EPHB1: variants seen among roughly 807,000 people sequenced by gnomAD.
The protein encoded by EPHB1 is EPH receptor B1, also known as ephrin type-B receptor 1.
Under a neutral mutation model 94.4 loss-of-function variants are expected in EPHB1, and 30 were observed. The observed-to-expected ratio is 0.32, with a 90% CI of 0.24 to 0.43. The LOEUF (loss-of-function observed/expected upper bound fraction) is 0.43. Among genes scored for constraint, EPHB1 ranks in the 20% least tolerant of loss-of-function variants. The pLI, the probability that EPHB1 is intolerant of heterozygous loss-of-function variation, is 1.00. For synonymous variants in EPHB1, 522 were observed against 489.1 expected, an observed-to-expected ratio of 1.07 and a Z score of -0.89; for missense variants, 1,055 against 1,308.3, an observed-to-expected ratio of 0.81 and a Z score of 2.99.
At chr3:135,073,022 G>C (rs150899243) in intron 3 of EPHB1, among the ~76,000 whole-genome samples, 128 of 152,064 alleles carry the variant, frequency 8.4e-4, no homozygotes, top group African/African-American at 2.9e-3. Context: ...TTTGTTTAAT[G>C]AATGGGACAT....
chr3:134,923,860 G>A (rs986653894), intron 1 of EPHB1, among the ~76,000 whole-genome samples: 1 of 152,158 alleles, frequency 6.6e-6, no homozygotes, highest in South Asian at 2.1e-4. Context: ...ATGGTTATGG[G>A]AAGGGGAGGC....
intron 1 of EPHB1, among the ~76,000 whole-genome samples, chr3:134,811,504 G>T (rs1182981883): frequency 6.6e-6 from 1 of 151,872 alleles, no homozygotes; most frequent in East Asian, 1.9e-4. Flanking sequence ...CTTCCAAAGT[G>T]CTGGGATTAC....
At chr3:134,805,948 G>A (rs1375374950) in intron 1 of EPHB1, among the ~76,000 whole-genome samples, 2 of 152,104 alleles carry the variant, frequency 1.3e-5, no homozygotes, top group Non-Finnish European at 2.9e-5. Context: ...AGCTCCGTGA[G>A]CCTCTGAAGC....
At chr3:134,903,648 C>T (rs1490665388) in intron 1 of EPHB1, among the ~76,000 whole-genome samples, 1 of 152,050 alleles carries the variant, frequency 6.6e-6, no homozygotes, top group Non-Finnish European at 1.5e-5. Context: ...ACTGTGTACG[C>T]CTGGACCAGG....
At chr3:135,185,906 A>G (rs1942314860) in intron 10 of EPHB1, among the ~76,000 whole-genome samples, 1 of 152,194 alleles carries the variant, frequency 6.6e-6, no homozygotes. Flanking sequence ...CTCTATTGTG[A>G]TGCTACAAAG....
At chr3:135,091,427 T>C (rs1242491305) in intron 3 of EPHB1, among the ~76,000 whole-genome samples, 1 of 152,148 alleles carries the variant, frequency 6.6e-6, no homozygotes, top group Non-Finnish European at 1.5e-5. Context: ...GCCTGGAACA[T>C]TGTGTTAAAG....
At chr3:135,257,386 T>A (rs1355767200) in intron 15 of EPHB1, among the ~76,000 whole-genome samples, 2 of 151,670 alleles carry the variant, frequency 1.3e-5, no homozygotes, top group Non-Finnish European at 3.0e-5. Flanking sequence ...GATGTACAGA[T>A]GGGTTTTTGG....
intron 1 of EPHB1, among the ~76,000 whole-genome samples, chr3:134,898,385 TC>T (rs1322620355): frequency 6.6e-6 from 1 of 152,114 alleles, no homozygotes; most frequent in African/African-American, 2.4e-5. Context: ...TCCAGCCCAG[TC>T]TCCACTGACT....
rs78021560 is a variant in EPHB1 at position 134,971,516 on chromosome 3, G to A, written c.805+19464G>A. On this transcript the variant is annotated intron_variant, in intron 3 of 15. Transcript: ENST00000398015. ...GCTGCATTTGCACAGCAAGCACACT[G>A]TTCTTAATGTGAATGTTTATTTGTA... 5.5e-3 allele frequency among the ~76,000 whole-genome samples: 843 copies of A among 152,346 alleles called. 2 individuals are homozygous for A. The highest frequency in any genetic ancestry group is 7.6e-3 in the Non-Finnish European group (515 of 68,036).
chr3:135,012,523 C>G (rs2107749520), intron 3 of EPHB1, among the ~76,000 whole-genome samples: 2 of 152,338 alleles, frequency 1.3e-5, no homozygotes, highest in Non-Finnish European at 2.9e-5. Flanking sequence ...TATACATTTA[C>G]CTAGAGACAT....
chr3:135,218,832 C>T (rs577985630), intron 12 of EPHB1, among the ~76,000 whole-genome samples: 5 of 152,178 alleles, frequency 3.3e-5, no homozygotes, highest in African/African-American at 9.7e-5. Context: ...GGTGCTATGG[C>T]GGAGAAGCAT....
chr3:134,987,716 AGCCGAGATCAC>A (rs1267851167), intron 3 of EPHB1, among the ~76,000 whole-genome samples: 1 of 152,196 alleles, frequency 6.6e-6, no homozygotes, highest in African/African-American at 2.4e-5. Context: ...GATTGCAGTG[AGCCGAGATCAC>A]GCCATTGTAT....
At chr3:135,013,427 C>G (rs900615471) in intron 3 of EPHB1, among the ~76,000 whole-genome samples, 2 of 152,140 alleles carry the variant, frequency 1.3e-5, no homozygotes, top group African/African-American at 4.8e-5. Context: ...GAGGTAGCGG[C>G]CTGACCTGCT....
chr3:135,183,010 CTTTTCTTTTCTTTTCT>C (rs1245849526), intron 10 of EPHB1, among the ~76,000 whole-genome samples: 4 of 65,728 alleles, frequency 6.1e-5, no homozygotes, highest in South Asian at 6.7e-4. Flanking sequence ...CTTTTCTTTT[CTTTTCTTTTCTTTTCT>C]TTTCTTTCTT....
intron 3 of EPHB1, among the ~76,000 whole-genome samples, chr3:135,029,736 C>T (rs1252604632): frequency 5.3e-5 from 8 of 151,264 alleles, no homozygotes; most frequent in Non-Finnish European, 1.2e-4. Context: ...ATCTTTGTGG[C>T]ATTCTCTGTA....
intron 15 of EPHB1, 119 bp from the exon 16 acceptor site, chr3:135,258,893 G>T: frequency 1.1e-6 from 1 of 876,408 alleles, no homozygotes; most frequent in Non-Finnish European, 1.8e-6. Flanking sequence ...GTAAACTTAA[G>T]CTAGTTGGAT....
intron 1 of EPHB1, among the ~76,000 whole-genome samples, chr3:134,872,706 C>T (rs2037527276): frequency 6.6e-6 from 1 of 152,176 alleles, no homozygotes; most frequent in African/African-American, 2.4e-5. Context: ...AATGTCTTTC[C>T]ATAAATTATA....
rs1266946257 is a variant in EPHB1 at position 135,054,031 on chromosome 3, A to ATG, written c.806-52416_806-52415insGT. Among the ~76,000 whole-genome samples the ATG allele has an allele frequency of 3.0e-4, 30 of 100,626 alleles. 1 individual carries two copies. In the East Asian group the frequency reaches 5.9e-3, roughly 20 times the overall value. The allele number at this position is 100,626 out of a possible 152,430, so 66.0% of individuals were successfully genotyped here. On this transcript the variant is annotated intron_variant, in intron 3 of 15. Transcript: ENST00000398015. ...TGTGCATATGTGTGTCTGCATATAT[A>ATG]TATATATATACACACACACACACAC...
chr3:135,007,169 A>G (rs1276823013), intron 3 of EPHB1, among the ~76,000 whole-genome samples: 2 of 152,316 alleles, frequency 1.3e-5, no homozygotes, highest in Non-Finnish European at 2.9e-5. Context: ...TCATAGGACC[A>G]TGGAATAGCA....
Sources: gnomAD v4.1 joint callset for allele counts (sites outside exome capture counted in the v4.1 genomes callset) on GRCh38, gnomAD v4.1.1 for gene constraint, MANE v1.5 for transcripts, NCBI Gene and HGNC (gene_info 2026-07-23, HGNC 2026-07-21) for gene names.